The following ACACA variants were observed in gnomAD, a reference collection of about 807,000 sequenced individuals.
ACACA encodes the protein acetyl-CoA carboxylase alpha.
Under a neutral mutation model 296.1 loss-of-function variants are expected in ACACA, and 103 were observed. That is an observed-to-expected ratio of 0.35 (90% CI 0.30 to 0.41). The LOEUF is 0.41. Among genes scored for constraint, ACACA ranks in the 10% least tolerant of loss-of-function variants. ACACA has a pLI of 1.00. For synonymous variants in ACACA, 953 were observed against 1,038.6 expected (o/e 0.92, Z 1.58); for missense variants, 1,554 against 2,989.7 (o/e 0.52, Z 11.20).
Position 37,225,082 on chromosome 17 carries a change from T to A in ACACA, c.3384A>T (p.Pro1128=). 2 of 1,612,072 alleles carry A rather than the reference T, an allele frequency of 1.2e-6. No individual in the cohort carries two copies. Among genetic ancestry groups the A allele is most frequent in the Non-Finnish European group, 1.7e-6 (2 of 1,178,336 alleles). ...CTTGGTTATGGCGAAGCTCATATGA[T>A]GGCAAATGGGAGGCAATAAGAACCT... is the stretch of plus-strand genomic sequence containing the variant. ...ARQVLIASHL[P]SYELRHNQVE... Residue 1128 remains proline, a synonymous_variant, in exon 27 of 56, where the codon CCA becomes CCT. Coordinates refer to ENST00000616317, the MANE Select transcript of ACACA (RefSeq NM_198834.3).
intron 43 of ACACA, among the ~76,000 whole-genome samples, chr17:37,155,152 G>T: frequency 6.6e-6 from 1 of 152,030 alleles, no homozygotes. Context: ...CCTTAAGTGG[G>T]TTCAGCCAAG....
chr17:37,223,897 C>A (rs2079411334), intron 27 of ACACA, among the ~76,000 whole-genome samples: 2 of 152,188 alleles, frequency 1.3e-5, no homozygotes, highest in African/African-American at 4.8e-5. Context: ...TGACATTTAT[C>A]TGAACTCTCT....
At chr17:37,188,207 T>C (rs1403865296) in intron 39 of ACACA, 70 bp downstream of exon 39, 48 of 1,450,254 alleles carry the variant, frequency 3.3e-5, no homozygotes, top group Non-Finnish European at 4.2e-5. Flanking sequence ...GTGGGTCTTC[T>C]ATAACAAGGA....
chr17:37,291,094 A>AG (rs1407350878), intron 3 of ACACA, among the ~76,000 whole-genome samples: 4 of 150,868 alleles, frequency 2.7e-5, no homozygotes, highest in African/African-American at 4.9e-5. Flanking sequence ...AAAAAAAAAA[A>AG]AAAGAAAAAG....
At chr17:37,134,215 G>A (rs2075235501) in intron 45 of ACACA, among the ~76,000 whole-genome samples, 1 of 152,188 alleles carries the variant, frequency 6.6e-6, no homozygotes, top group African/African-American at 2.4e-5. Flanking sequence ...ACTGCAGACA[G>A]CTCAGGTTTA....
intron 1 of ACACA, among the ~76,000 whole-genome samples, chr17:37,394,492 C>T (rs2051007312): frequency 6.6e-6 from 1 of 151,772 alleles, no homozygotes; most frequent in African/African-American, 2.4e-5. Context: ...GTAAAAAGTC[C>T]AGGCGTGAGC....
intron 42 of ACACA, 101 bp from the exon 43 acceptor site, chr17:37,155,881 T>TAAATTGC: frequency 1.2e-6 from 1 of 806,468 alleles, no homozygotes; most frequent in Non-Finnish European, 2.2e-6. Context: ...CAGCTAGCTT[T>TAAATTGC]AAATTGCCAC....
intron 29 of ACACA, among the ~76,000 whole-genome samples, chr17:37,210,751 CAAAAAAAAAAAA>C (rs57591064): frequency 8.3e-5 from 6 of 72,424 alleles, no homozygotes; most frequent in African/African-American, 2.5e-4. Flanking sequence ...GCTCTATTAC[CAAAAAAAAAAAA>C]AAAAAAAAAA....
intron 1 of ACACA, among the ~76,000 whole-genome samples, chr17:37,403,165 G>T (rs903801650): frequency 1.3e-5 from 2 of 152,164 alleles, no homozygotes; most frequent in Non-Finnish European, 2.9e-5. Flanking sequence ...CTGTAGACTT[G>T]TATTTGTCAT....
intron 10 of ACACA, among the ~76,000 whole-genome samples, chr17:37,266,858 A>T (rs2081803607): frequency 1.3e-5 from 2 of 152,134 alleles, no homozygotes. Flanking sequence ...CTCAGATAAC[A>T]TTTTTTTGCC....
At chr17:37,169,786 T>G (rs981766976) in intron 41 of ACACA, among the ~76,000 whole-genome samples, 6 of 152,038 alleles carry the variant, frequency 3.9e-5, no homozygotes, top group Admixed American at 3.3e-4. Flanking sequence ...TTTTTGGGGG[T>G]CTTCTCTTTC....
At chr17:37,284,017 T>C (rs564799443) in intron 4 of ACACA, among the ~76,000 whole-genome samples, 5 of 152,316 alleles carry the variant, frequency 3.3e-5, no homozygotes, top group Admixed American at 1.3e-4. Flanking sequence ...CACAGACTAA[T>C]AGACACATAA....
In ACACA at chr17:37,096,991, C is replaced by T; in HGVS notation, c.6891+5G>A. The T allele has an allele frequency of 1.9e-6, 3 of 1,614,098 alleles. No homozygotes were observed. Among genetic ancestry groups the T allele is most frequent in the Non-Finnish European group, 2.5e-6 (3 of 1,180,034 alleles). ...AAAAGGCTTCTCTTTGAGTGTCCCA[C>T]CTACCTTCACTGTTCCTTCCACTTC... is the stretch of plus-strand genomic sequence containing the variant. On this transcript the variant is annotated splice_donor_5th_base_variant and intron_variant, in intron 54 of 55. Coordinates refer to ENST00000616317, the MANE Select transcript of ACACA (RefSeq NM_198834.3).
chr17:37,291,246 G>A (rs2083051103), intron 3 of ACACA, among the ~76,000 whole-genome samples: 2 of 151,486 alleles, frequency 1.3e-5, no homozygotes, highest in African/African-American at 4.9e-5. Flanking sequence ...TGCAATCTCA[G>A]CTCACCGCAA....
At chr17:37,231,152 C>T (rs771147494) in intron 25 of ACACA, among the ~76,000 whole-genome samples, 17 of 151,352 alleles carry the variant, frequency 1.1e-4, no homozygotes, top group Non-Finnish European at 2.2e-4. Context: ...GATGGGAGGC[C>T]GAGACCGTTT....
At chr17:37,298,734 G>A (rs2083473062) in intron 3 of ACACA, among the ~76,000 whole-genome samples, 1 of 152,158 alleles carries the variant, frequency 6.6e-6, no homozygotes, top group Non-Finnish European at 1.5e-5. Flanking sequence ...GGCCCAAGAA[G>A]GCCTGACTCA....
At chr17:37,198,800 T>C (rs1598148577) in intron 35 of ACACA, among the ~76,000 whole-genome samples, 1 of 152,288 alleles carries the variant, frequency 6.6e-6, no homozygotes, top group Admixed American at 6.5e-5. Flanking sequence ...AAATGTCAAG[T>C]CTTGAAAACC....
intron 35 of ACACA, 123 bp from the exon 36 acceptor site, chr17:37,193,538 A>G: frequency 1.4e-6 from 1 of 730,978 alleles, no homozygotes; most frequent in Non-Finnish European, 2.4e-6. Context: ...CTTCTTACCT[A>G]AGCTTAGTCC....
chr17:37,406,233 C>T (rs1452253574), intron 1 of ACACA, 29 bp downstream of exon 1: 2 of 1,609,240 alleles, frequency 1.2e-6, no homozygotes, highest in African/African-American at 1.3e-5. Context: ...TCATCATTAA[C>T]AGCAGTAATA....
Sources: gnomAD v4.1 joint callset for allele counts (sites outside exome capture counted in the v4.1 genomes callset) on GRCh38, gnomAD v4.1.1 for gene constraint, MANE v1.5 for transcripts, NCBI Gene and HGNC (gene_info 2026-07-23, HGNC 2026-07-21) for gene names.